Variants in MARK3 observed in about 807,000 individuals in gnomAD.
MARK3 encodes microtubule affinity regulating kinase 3.
In MARK3, 46 loss-of-function variants were observed where a neutral mutation model predicts 90.1. The observed-to-expected ratio is 0.51, with a 90% CI of 0.40 to 0.65. The LOEUF (loss-of-function observed/expected upper bound fraction) is 0.65. Ranked by LOEUF, MARK3 falls within the 30% of genes least tolerant of loss-of-function variation. MARK3 has a pLI of 0.00. For synonymous variants in MARK3, 321 were observed against 332.6 expected, an observed-to-expected ratio of 0.97 and a Z score of 0.38; for missense variants, 818 against 947.2, an observed-to-expected ratio of 0.86 and a Z score of 1.79.
chr14:103,413,822 G>T (rs1302189372), intron 2 of MARK3, among the ~76,000 whole-genome samples: 1 of 151,992 alleles, frequency 6.6e-6, no homozygotes, highest in East Asian at 1.9e-4. Flanking sequence ...TTTGAAACTG[G>T]CTTCTTCTCA....
intron 6 of MARK3, among the ~76,000 whole-genome samples, chr14:103,459,882 A>G (rs1376452744): frequency 1.3e-5 from 2 of 151,722 alleles, no homozygotes; most frequent in Non-Finnish European, 2.9e-5. Flanking sequence ...AAGTTTTTCT[A>G]TTTATGACAA....
intron 3 of MARK3, among the ~76,000 whole-genome samples, chr14:103,436,260 C>T (rs965478407): frequency 6.6e-6 from 1 of 152,188 alleles, no homozygotes; most frequent in Non-Finnish European, 1.5e-5. Flanking sequence ...ACTGCCACTG[C>T]CACTGCTGAA....
intron 14 of MARK3, among the ~76,000 whole-genome samples, chr14:103,487,718 A>G (rs1373478294): frequency 1.3e-5 from 2 of 152,154 alleles, no homozygotes; most frequent in Non-Finnish European, 2.9e-5. Context: ...GTAAGGGCAC[A>G]AGAGATAGTT....
At chr14:103,492,341 A>G (rs116055438) in intron 15 of MARK3, among the ~76,000 whole-genome samples, 109 of 151,958 alleles carry the variant, frequency 7.2e-4, no homozygotes, top group African/African-American at 2.6e-3. Context: ...GAGCAGGCAG[A>G]CCTCGAGTTC....
At chr14:103,392,681 AT>A (rs1403724333) in intron 1 of MARK3, among the ~76,000 whole-genome samples, 1 of 152,352 alleles carries the variant, frequency 6.6e-6, no homozygotes, top group African/African-American at 2.4e-5. Context: ...AAAACTGTTT[AT>A]TAAAAATTGT....
intron 3 of MARK3, among the ~76,000 whole-genome samples, chr14:103,435,395 T>C (rs1440592855): frequency 6.8e-6 from 1 of 146,332 alleles, no homozygotes; most frequent in Non-Finnish European, 1.5e-5. Context: ...TCTTCCAATT[T>C]TACTTATTTT....
At chr14:103,415,484 T>G (rs1257844010) in intron 2 of MARK3, among the ~76,000 whole-genome samples, 1 of 152,236 alleles carries the variant, frequency 6.6e-6, no homozygotes, top group Non-Finnish European at 1.5e-5. Flanking sequence ...CATATTGTCC[T>G]GGAAGCATCT....
intron 1 of MARK3, among the ~76,000 whole-genome samples, chr14:103,391,358 A>G (rs1203739169): frequency 6.6e-6 from 1 of 152,172 alleles, no homozygotes; most frequent in African/African-American, 2.4e-5. Context: ...ATGCAGTATC[A>G]TTTCCTCTCT....
At chr14:103,466,867 G>A (rs1006372825) in intron 10 of MARK3, among the ~76,000 whole-genome samples, 1 of 152,062 alleles carries the variant, frequency 6.6e-6, no homozygotes, top group Non-Finnish European at 1.5e-5. Flanking sequence ...AGCCAGGCAC[G>A]GTGGCTCATG....
chr14:103,386,963 CG>C (rs1445754367), intron 1 of MARK3, among the ~76,000 whole-genome samples: 8 of 152,174 alleles, frequency 5.3e-5, no homozygotes, highest in South Asian at 4.1e-4. Flanking sequence ...TGACTCTGTT[CG>C]TTTTCTAACT....
chr14:103,462,022 C>T (rs1311035102), intron 6 of MARK3, among the ~76,000 whole-genome samples: 5 of 105,652 alleles, frequency 4.7e-5, no homozygotes, highest in African/African-American at 1.9e-4. Flanking sequence ...GGTGACAGAA[C>T]GAGACTCTGT....
chr14:103,394,957 A>G (rs1387719281), intron 1 of MARK3, among the ~76,000 whole-genome samples: 2 of 151,958 alleles, frequency 1.3e-5, no homozygotes, highest in African/African-American at 4.8e-5. Flanking sequence ...TAATTTTTGT[A>G]TTTTTAGTAG....
chr14:103,467,196 G>C lies in MARK3; in HGVS notation c.1110+5G>C, dbSNP rs1332713752. 6.9e-7 allele frequency: 1 copy of C among 1,449,032 alleles called. No individual in the cohort carries two copies. Among genetic ancestry groups the C allele is most frequent in the Non-Finnish European group, 9.6e-7 (1 of 1,041,004 alleles). The allele number at this position is 1,449,032 out of a possible 1,614,324, so 89.8% of individuals were successfully genotyped here. The stretch of plus-strand genomic sequence containing the variant: ...TTGGGGAGAAAATCTTCAGAGGTAA[G>C]AGTAATCAGAAAGAGCTGAAATACC... On this transcript the variant is annotated splice_donor_5th_base_variant and intron_variant, in intron 11 of 17. Transcript: ENST00000429436.
chr14:103,388,834 A>G (rs1023951546), intron 1 of MARK3, among the ~76,000 whole-genome samples: 2 of 152,118 alleles, frequency 1.3e-5, no homozygotes, highest in African/African-American at 4.8e-5. Flanking sequence ...TTGAATGTGT[A>G]TCAGTATCAG....
At chr14:103,398,451 T>C (rs928718408) in intron 1 of MARK3, among the ~76,000 whole-genome samples, 1 of 152,244 alleles carries the variant, frequency 6.6e-6, no homozygotes, top group Admixed American at 6.5e-5. Flanking sequence ...TGGCTTTGGG[T>C]GCATTCTTGT....
chr14:103,490,643 G>A (rs571508157), intron 14 of MARK3: 1 of 153,184 alleles, frequency 6.5e-6, no homozygotes, highest in Admixed American at 6.5e-5. Flanking sequence ...GCATCTCTTA[G>A]AATAGGTTTT....
intron 3 of MARK3, among the ~76,000 whole-genome samples, chr14:103,440,982 T>C (rs1425845341): frequency 6.6e-6 from 1 of 151,586 alleles, no homozygotes; most frequent in African/African-American, 2.4e-5. Flanking sequence ...ATGGTTTTAA[T>C]GTAACATTTT....
chr14:103,391,577 T>C (rs2090244355), intron 1 of MARK3, among the ~76,000 whole-genome samples: 1 of 151,486 alleles, frequency 6.6e-6, no homozygotes, highest in Non-Finnish European at 1.5e-5. Flanking sequence ...GGAGTCTTGC[T>C]CTGTCGCCCA....
chr14:103,479,846 G>A (rs1051418484), intron 13 of MARK3, among the ~76,000 whole-genome samples: 1 of 151,970 alleles, frequency 6.6e-6, no homozygotes, highest in African/African-American at 2.4e-5. Context: ...CTCCATGTTG[G>A]TCAGGCTGGT....
Sources: allele counts gnomAD v4.1 joint callset (sites outside exome capture counted in the v4.1 genomes callset), GRCh38; gene constraint gnomAD v4.1.1; transcripts MANE v1.5; gene names NCBI Gene and HGNC (gene_info 2026-07-23, HGNC 2026-07-21).